Variants in GRAMD1C observed in about 807,000 individuals in gnomAD.
GRAMD1C encodes the protein GRAM domain containing 1C.
In GRAMD1C, 89 loss-of-function variants were observed where a neutral mutation model predicts 97.8. That is an observed-to-expected ratio of 0.91 (90% CI 0.77 to 1.09). The LOEUF is 1.09. GRAMD1C is among the 50% of genes least tolerant of loss of function. GRAMD1C has a pLI of 0.00. For synonymous variants in GRAMD1C, 256 were observed against 267.0 expected, an observed-to-expected ratio of 0.96 and a Z score of 0.40; for missense variants, 740 against 766.4, an observed-to-expected ratio of 0.97 and a Z score of 0.41.
intron 9 of GRAMD1C, among the ~76,000 whole-genome samples, chr3:113,914,640 T>C (rs1936735164): frequency 6.6e-6 from 1 of 152,200 alleles, no homozygotes; most frequent in Admixed American, 6.5e-5. Context: ...TTGAATTGCT[T>C]TATGTTACTT....
chr3:113,838,120 A>G, upstream of GRAMD1C, among the ~76,000 whole-genome samples: 1 of 152,218 alleles, frequency 6.6e-6, no homozygotes, highest in Non-Finnish European at 1.5e-5. Context: ...GGCCTGAACT[A>G]GATTTTCAGG....
chr3:113,901,004 C>G, intron 6 of GRAMD1C, 27 bp from the exon 7 acceptor site: 1 of 1,066,224 alleles, frequency 9.4e-7, no homozygotes, highest in Non-Finnish European at 1.5e-6. Flanking sequence ...TTTTCCAATG[C>G]TCAGTGTAAT....
chr3:113,837,800 C>G (rs1364140824), upstream of GRAMD1C, among the ~76,000 whole-genome samples: 1 of 152,250 alleles, frequency 6.6e-6, no homozygotes, highest in Middle Eastern at 3.4e-3. Context: ...CCCAGCTACT[C>G]GAGAGGCTGA....
intron 5 of GRAMD1C, among the ~76,000 whole-genome samples, chr3:113,877,339 G>T (rs551815894): frequency 1.3e-5 from 2 of 152,208 alleles, no homozygotes; most frequent in African/African-American, 4.8e-5. Flanking sequence ...AATTAACACT[G>T]ATCTGTTACT....
At chr3:113,932,531 G>A (rs2107368104) in intron 11 of GRAMD1C, among the ~76,000 whole-genome samples, 1 of 152,210 alleles carries the variant, frequency 6.6e-6, no homozygotes, top group South Asian at 2.1e-4. Flanking sequence ...TTAATTTTGA[G>A]GTGGGATCCT....
chr3:113,845,372 G>A (rs1381896134), intron 2 of GRAMD1C, among the ~76,000 whole-genome samples: 1 of 152,166 alleles, frequency 6.6e-6, no homozygotes, highest in Non-Finnish European at 1.5e-5. Context: ...GGTAAGGCAT[G>A]TATAGTTCCA....
At chr3:113,836,242 G>A (rs529952990), upstream of GRAMD1C, among the ~76,000 whole-genome samples, 4 of 152,036 alleles carry the variant, frequency 2.6e-5, no homozygotes, top group African/African-American at 7.2e-5. Flanking sequence ...CCAGTCTGGG[G>A]GACAGAACGA....
At chr3:113,885,248 G>A in intron 6 of GRAMD1C, 3 of 1,133,736 alleles carry the variant, frequency 2.6e-6, no homozygotes, top group South Asian at 1.3e-5. Flanking sequence ...GGGGGCTGGC[G>A]GAGCTGGGCC....
In GRAMD1C at chr3:113,841,285, C is replaced by CTTTTCT. The variant is rs1553714130; in HGVS notation, c.27+2353_27+2354insCTTTTT. Among the ~76,000 whole-genome samples, 3 of 94,338 alleles carry CTTTTCT rather than the reference C, an allele frequency of 3.2e-5. No homozygotes were observed. The Admixed American group carries it at 4.5e-4, about 14-fold the overall frequency. 61.9% of individuals were successfully genotyped at this position (94,338 alleles called of 152,430 possible). On this transcript the variant is annotated intron_variant, in intron 1 of 17. Coordinates refer to ENST00000358160, the MANE Select transcript of GRAMD1C (RefSeq NM_017577.5). The stretch of plus-strand genomic sequence containing the variant: ...TCACAAAGTACTTCTTTCTTTCTTT[C>CTTTTCT]TTTTTTTTTTTTTTTTGCGAGACAG...
chr3:113,872,391 CTTTTTTTTTTTT>C (rs777339692), intron 3 of GRAMD1C, among the ~76,000 whole-genome samples: 3,437 of 117,534 alleles, frequency 0.029, 148 homozygotes, highest in African/African-American at 0.11. Context: ...TCTTTTTTTT[CTTTTTTTTTTTT>C]TTTTTTTTTG....
At chr3:113,895,443 T>C (rs1295602864) in intron 6 of GRAMD1C, among the ~76,000 whole-genome samples, 1 of 152,178 alleles carries the variant, frequency 6.6e-6, no homozygotes, top group East Asian at 1.9e-4. Context: ...ACAAAGCCTA[T>C]GTCAGCCACT....
At chr3:113,877,962 T>A (rs1387562433) in intron 5 of GRAMD1C, among the ~76,000 whole-genome samples, 1 of 152,102 alleles carries the variant, frequency 6.6e-6, no homozygotes, top group Non-Finnish European at 1.5e-5. Flanking sequence ...GTATTTTTAG[T>A]AGAGATGGGG....
In GRAMD1C at chr3:113,910,315, G is replaced by A. The variant is rs143808814; in HGVS notation, c.952+1195G>A. 2.9e-3 allele frequency among the ~76,000 whole-genome samples: 448 copies of A among 152,224 alleles called. 5 individuals are homozygous for A. Among genetic ancestry groups the A allele is most frequent in the African/African-American group, 0.01 (416 of 41,540 alleles). On this transcript the variant is annotated intron_variant, in intron 9 of 17. Transcript: ENST00000358160. ...GGAGAATCTCATGAACCCAGGAGGCGGAGGTTGCAGTGAGCCTAGATCACG... is the reference window on the plus strand; with the variant it reads ...GGAGAATCTCATGAACCCAGGAGGCAGAGGTTGCAGTGAGCCTAGATCACG...
intron 8 of GRAMD1C, among the ~76,000 whole-genome samples, chr3:113,906,600 A>G (rs1047159323): frequency 4.6e-5 from 7 of 152,236 alleles, no homozygotes; most frequent in African/African-American, 1.7e-4. Flanking sequence ...AAAAAAGTTC[A>G]TAAAATAAAA....
intron 9 of GRAMD1C, among the ~76,000 whole-genome samples, chr3:113,914,727 C>G (rs2107338794): frequency 6.7e-6 from 1 of 149,902 alleles, no homozygotes; most frequent in East Asian, 2.0e-4. Context: ...TAAATTCCTT[C>G]TGGCGGTATA....
At chr3:113,928,332 TTTAA>T (rs1322119533) in intron 10 of GRAMD1C, among the ~76,000 whole-genome samples, 18 of 152,328 alleles carry the variant, frequency 1.2e-4, no homozygotes, top group African/African-American at 4.3e-4. Flanking sequence ...CGACACTACC[TTTAA>T]TTAAAGCTCA....
At chr3:113,849,829 T>C (rs1350643613) in intron 2 of GRAMD1C, among the ~76,000 whole-genome samples, 1 of 151,860 alleles carries the variant, frequency 6.6e-6, no homozygotes, top group Non-Finnish European at 1.5e-5. Context: ...GACGGGGTGG[T>C]GGCCTGGCAG....
intron 10 of GRAMD1C, among the ~76,000 whole-genome samples, chr3:113,917,922 C>G (rs917713888): frequency 1.6e-5 from 2 of 127,702 alleles, no homozygotes; most frequent in Admixed American, 9.7e-5. Flanking sequence ...AGGCCAGTCT[C>G]AAACTCCTGA....
chr3:113,933,850 G>A lies in GRAMD1C; in HGVS notation c.1352+197G>A, dbSNP rs538308805. ...TGAAGGCTTTGACACCCGGAGCTAC[G>A]TGATCCAGAATATGTGTTGTTTCAG... is the stretch of plus-strand genomic sequence containing the variant. On this transcript the variant is annotated intron_variant, in intron 12 of 17. Transcript: ENST00000358160. Among the ~76,000 whole-genome samples, 23 of 152,334 alleles carry A rather than the reference G, an allele frequency of 1.5e-4. No individual in the cohort carries two copies. The South Asian group carries it at 1.7e-3, about 11-fold the overall frequency.
Sources: gnomAD v4.1 joint callset for allele counts (sites outside exome capture counted in the v4.1 genomes callset) on GRCh38, gnomAD v4.1.1 for gene constraint, MANE v1.5 for transcripts, NCBI Gene and HGNC (gene_info 2026-07-23, HGNC 2026-07-21) for gene names.